Variants in NPHS1 observed in about 807,000 individuals in gnomAD.
The protein encoded by NPHS1 is nephrin.
Under a neutral mutation model 139.7 loss-of-function variants are expected in NPHS1, and 107 were observed. The ratio of observed to expected loss-of-function variants is 0.77; its 90% CI spans 0.66 to 0.90. NPHS1 has a LOEUF of 0.90. NPHS1 is among the 40% of genes least tolerant of loss of function. The pLI is 0.00. For missense variants in NPHS1, 1,580 were observed against 1,654.2 expected (o/e 0.96, Z 0.78); for synonymous variants, 707 against 706.6 (o/e 1.00, Z -0.01).
Position 35,845,445 on chromosome 19 carries a change from C to A in NPHS1, c.1853G>T (p.Gly618Val). Residue 618 changes from glycine (G) to valine (V), a missense_variant, in exon 14 of 29, where the codon GGC becomes GTC. Gly to Val is a moderately radical substitution (Grantham distance 109, BLOSUM62 -3). Coordinates refer to ENST00000378910, the MANE Select transcript of NPHS1 (RefSeq NM_004646.4). The surrounding 1 kb of genome is among the most constrained non-coding windows in gnomAD (Gnocchi z 5.5). ...VLLQVSSRDHGQRVTCRAHSA... is the reference protein window; with the variant it reads ...VLLQVSSRDHVQRVTCRAHSA... ...GTGGGCGCGGCAGGTCACGCGCTGG[C>A]CATGATCGCGGGATGACACTTGCAG... 6.2e-7 allele frequency: 1 copy of A among 1,614,176 alleles called. No homozygotes were observed. The highest frequency in any genetic ancestry group is 8.5e-7 in the Non-Finnish European group (1 of 1,180,032).
rs786205518 is a variant in NPHS1, at chr19:35,831,298, T to G, written c.3385A>C (p.Thr1129Pro). The G allele has an allele frequency of 6.2e-7, 1 of 1,614,022 alleles. No homozygotes were observed. Among genetic ancestry groups the G allele is most frequent in the Non-Finnish European group, 8.5e-7 (1 of 1,179,978 alleles). The change falls in exon 26 of 29, where the codon ACG becomes CCG. Residue 1129 changes from threonine (T) to proline (P), a missense_variant and splice_region_variant. Physicochemically the swap from Thr to Pro is conservative, Grantham distance 38. Transcript: ENST00000378910. The stretch of plus-strand genomic sequence containing the variant: ...TCACCAGGGCCACCCCCACTTACCG[T>G]GGAGCTCTGAGTGTCCCGCTCTCCT... ...WTGERDTQSS[T>P]VSTTEAEPYY... is the part of the protein sequence containing the mutation.
intron 22 of NPHS1, among the ~76,000 whole-genome samples, chr19:35,836,660 T>G (rs549055312): frequency 6.6e-6 from 1 of 151,662 alleles, no homozygotes; most frequent in South Asian, 2.1e-4. Context: ...CTTACTTCCA[T>G]TGAGAAAAAG....
chr19:35,845,907 C>A lies in NPHS1; in HGVS notation c.1627+101G>T. On this transcript the variant is annotated intron_variant, in intron 12 of 28. Coordinates refer to ENST00000378910, the MANE Select transcript of NPHS1 (RefSeq NM_004646.4). The surrounding 1 kb of genome is among the most constrained non-coding windows in gnomAD (Gnocchi z 5.5). ...CCCAGTCTCGGGTCCCCCACCCCGCCTCCGCCCGCTTTCCCCGGGTCCAGG... is the reference window on the plus strand; with the variant it reads ...CCCAGTCTCGGGTCCCCCACCCCGCATCCGCCCGCTTTCCCCGGGTCCAGG... 6.6e-7 allele frequency: 1 copy of A among 1,526,628 alleles called. No individual in the cohort carries two copies. Among genetic ancestry groups the A allele is most frequent in the Middle Eastern group, 2.3e-4 (1 of 4,438 alleles). 94.6% of individuals were successfully genotyped at this position (1,526,628 alleles called of 1,614,324 possible). A position where few individuals can be genotyped will look rare whatever the true frequency, so the allele number is the denominator to read the frequency against.
Position 35,851,683 on chromosome 19 carries a change from A to T in NPHS1, c.59-11T>A. The T allele has an allele frequency of 6.2e-7, 1 of 1,608,112 alleles. No homozygotes were observed. Among genetic ancestry groups the T allele is most frequent in the Non-Finnish European group, 8.5e-7 (1 of 1,177,204 alleles). ...CCAACTGCGCCAGGCCTGAGGACAC[A>T]GCGCGGTGCAAGGAAAGGGCAGAGG... is the stretch of plus-strand genomic sequence containing the variant. On this transcript the variant is annotated splice_polypyrimidine_tract_variant and intron_variant, in intron 1 of 28. Coordinates refer to ENST00000378910, the MANE Select transcript of NPHS1 (RefSeq NM_004646.4).
chr19:35,828,115 A>C (rs574060068), intron 28 of NPHS1, among the ~76,000 whole-genome samples: 1 of 152,256 alleles, frequency 6.6e-6, no homozygotes, highest in Admixed American at 6.5e-5. Context: ...TGGTAGCCCT[A>C]ACTGGGGATG....
rs1460762738 is a variant in NPHS1 at position 35,849,351 on chromosome 19, G to A, written c.725C>T (p.Pro242Leu). 6.2e-7 allele frequency: 1 copy of A among 1,612,006 alleles called. No individual in the cohort carries two copies. The highest frequency in any genetic ancestry group is 8.5e-7 in the Non-Finnish European group (1 of 1,179,682). Residue 242 changes from proline to leucine, a missense_variant, in exon 7 of 29, where the codon CCC (proline) becomes CTC (leucine). Transcript: ENST00000378910. ...FTVNVLFPPG[P>L]PVIEWPGLDE... ...CAGGCCTGGCCACTCGATGACAGGG[G>A]GTCCTGGAGGGACTGGGGGATATCA...
rs761408274 is a variant in NPHS1, at chr19:35,848,408, G to A, written c.1171-11C>T. ...ACCGCCATGCAGTCCCTGGCAGGGAGTGAGCTTCAGACGTGGGGACTGCAG... is the reference window on the plus strand; with the variant it reads ...ACCGCCATGCAGTCCCTGGCAGGGAATGAGCTTCAGACGTGGGGACTGCAG... On this transcript the variant is annotated splice_polypyrimidine_tract_variant and intron_variant, in intron 9 of 28. Coordinates refer to ENST00000378910, the MANE Select transcript of NPHS1 (RefSeq NM_004646.4). 40 of 1,614,018 alleles carry A rather than the reference G, an allele frequency of 2.5e-5. No individual in the cohort carries two copies. The highest frequency in any genetic ancestry group is 3.4e-5 in the Non-Finnish European group (40 of 1,180,018).
chr19:35,831,905 T>G, intron 23 of NPHS1, 143 bp from the exon 24 acceptor site: 1 of 846,782 alleles, frequency 1.2e-6, no homozygotes, highest in Non-Finnish European at 1.8e-6. Flanking sequence ...GTGCCCACCC[T>G]TTCTGCCCAC....
intron 28 of NPHS1, among the ~76,000 whole-genome samples, chr19:35,829,883 G>T (rs1053136432): frequency 6.6e-5 from 10 of 151,734 alleles, no homozygotes; most frequent in African/African-American, 2.4e-4. Flanking sequence ...TGTTGCCCAG[G>T]CTGGTCTCCA....
At position 35,845,964 on chromosome 19, in the gene NPHS1, T is replaced by TGCCCCCCC; in HGVS notation, c.1627+43_1627+44insGGGGGGGC. On this transcript the variant is annotated intron_variant, in intron 12 of 28. Transcript: ENST00000378910. This position sits in a 1 kb window ranked among gnomAD's most constrained non-coding sequence, Gnocchi z 5.5. ...TGGGTCCCTGCCCCACCTGGCTCTG[T>TGCCCCCCC]CCCTCCCGCCCCGCCCCCGGGCCTC... 4 of 1,528,578 alleles carry TGCCCCCCC rather than the reference T, an allele frequency of 2.6e-6. No individual in the cohort carries two copies. The highest frequency in any genetic ancestry group is 3.5e-6 in the Non-Finnish European group (4 of 1,129,336). The allele number at this position is 1,528,578 out of a possible 1,614,324, so 94.7% of individuals were successfully genotyped here.
At chr19:35,827,194 T>C (rs980798478) in intron 28 of NPHS1, among the ~76,000 whole-genome samples, 6 of 151,970 alleles carry the variant, frequency 3.9e-5, no homozygotes, top group Admixed American at 1.3e-4. Flanking sequence ...TGGCCCAGGC[T>C]GGTCTTGAAC....
Position 35,848,300 on chromosome 19 carries a change from G to T in NPHS1, c.1268C>A (p.Ala423Asp), listed in dbSNP as rs370835775. 5.0e-6 allele frequency: 8 copies of T among 1,614,116 alleles called. No homozygotes were observed. The highest frequency in any genetic ancestry group is 6.8e-6 in the Non-Finnish European group (8 of 1,179,998). ...LTLTCEAFSE[A>D]FTKETFKKSL... ...CTTCTTGAAGGTCTCCTTGGTGAAGGCTTCACTGAAGGCCTCACATGTGAG... is the reference window on the plus strand; with the variant it reads ...CTTCTTGAAGGTCTCCTTGGTGAAGTCTTCACTGAAGGCCTCACATGTGAG... Residue 423 changes from alanine to aspartate, a missense_variant, in exon 10 of 29, where the codon GCC (alanine) becomes GAC (aspartate). Coordinates refer to ENST00000378910, the MANE Select transcript of NPHS1 (RefSeq NM_004646.4).
At chr19:35,834,159 G>A (rs567388623) in intron 23 of NPHS1, among the ~76,000 whole-genome samples, 47 of 152,144 alleles carry the variant, frequency 3.1e-4, no homozygotes, top group Non-Finnish European at 5.1e-4. Flanking sequence ...TCTGTGTTGA[G>A]CCATGTGACT....
chr19:35,845,690 G>A lies in NPHS1; in HGVS notation c.1736C>T (p.Ser579Phe), dbSNP rs764351102. 1 of 1,613,986 alleles carries A rather than the reference G, an allele frequency of 6.2e-7. No homozygotes were observed. The highest frequency in any genetic ancestry group is 1.7e-5 in the Admixed American group (1 of 60,014). The part of the protein sequence containing the change: ...SVSSNPPVNL[S>F]WDKEGERLEG... ...CCACCTCTCCCCTTCCTTGTCCCAG[G>A]ACAAGTTGACCGGCGGATTGCTGCT... Residue 579 changes from serine to phenylalanine, a missense_variant, in exon 13 of 29, where the codon TCC (serine) becomes TTC (phenylalanine). Ser to Phe is a radical substitution (Grantham distance 155). Transcript: ENST00000378910. This position sits in a 1 kb window ranked among gnomAD's most constrained non-coding sequence, Gnocchi z 5.5.
chr19:35,846,303 T>A (rs1973141366), intron 11 of NPHS1, 109 bp from the exon 12 acceptor site: 10 of 1,194,066 alleles, frequency 8.4e-6, no homozygotes, highest in Non-Finnish European at 1.2e-5. Context: ...AACAAAGCCT[T>A]TTTCTGATAA....
intron 28 of NPHS1, among the ~76,000 whole-genome samples, chr19:35,828,190 C>G (rs1972823967): frequency 6.6e-6 from 1 of 152,126 alleles, no homozygotes; most frequent in Admixed American, 6.6e-5. Flanking sequence ...GCAGATTGGC[C>G]CATGCTCCAA....
At chr19:35,833,142 C>A (rs1972906967) in intron 23 of NPHS1, among the ~76,000 whole-genome samples, 1 of 151,838 alleles carries the variant, frequency 6.6e-6, no homozygotes, top group African/African-American at 2.4e-5. Flanking sequence ...GGTCTGCCCA[C>A]CTTGGCGTCC....
At chr19:35,848,485 G>T (rs1330738364) in intron 9 of NPHS1, 88 bp from the exon 10 acceptor site, 1 of 1,597,122 alleles carries the variant, frequency 6.3e-7, no homozygotes. Context: ...CCCCAGCAGG[G>T]ACACAGGAGA....
Position 35,848,035 on chromosome 19 carries a change from A to G in NPHS1, c.1440+6T>C. ...GCCACCCCCATAGCCCTGGCGTGGCACCAACCTTGTACCACATGAGGGAGG... is the reference window on the plus strand; with the variant it reads ...GCCACCCCCATAGCCCTGGCGTGGCGCCAACCTTGTACCACATGAGGGAGG... On this transcript the variant is annotated splice_donor_region_variant and intron_variant, in intron 11 of 28. Coordinates refer to ENST00000378910, the MANE Select transcript of NPHS1 (RefSeq NM_004646.4). The G allele has an allele frequency of 6.2e-7, 1 of 1,613,664 alleles. No individual in the cohort carries two copies. The highest frequency in any genetic ancestry group is 1.1e-5 in the South Asian group (1 of 91,080).
Sources: gnomAD v4.1 joint callset for allele counts (sites outside exome capture counted in the v4.1 genomes callset) on GRCh38, gnomAD v4.1.1 for gene constraint, Gnocchi (gnomAD v3.1) non-coding constraint, MANE v1.5 for transcripts, NCBI Gene and HGNC (gene_info 2026-07-23, HGNC 2026-07-21) for gene names.